SVEP1: variants seen among roughly 807,000 people sequenced by gnomAD.
SVEP1 encodes the protein sushi, von Willebrand factor type A, EGF and pentraxin domain-containing protein 1.
Under a neutral mutation model 367.3 loss-of-function variants are expected in SVEP1, and 164 were observed. The observed-to-expected ratio is 0.45, with a 90% CI of 0.39 to 0.51. The LOEUF (loss-of-function observed/expected upper bound fraction) is 0.51. SVEP1 is among the 20% of genes least tolerant of loss of function. The probability of loss-of-function intolerance (pLI) is 0.00; values close to 1 mark genes in which losing one functional copy is unlikely to be tolerated. For missense variants in SVEP1, 4,117 were observed against 4,425.3 expected (o/e 0.93, Z 1.98); for synonymous variants, 1,666 against 1,611.6 (o/e 1.03, Z -0.81).
intron 3 of SVEP1, among the ~76,000 whole-genome samples, chr9:110,535,584 C>T (rs1830068992): frequency 6.6e-6 from 1 of 152,052 alleles, no homozygotes; most frequent in Admixed American, 6.6e-5. Flanking sequence ...AGCATTGAAT[C>T]TGTAAATTGC....
intron 36 of SVEP1, among the ~76,000 whole-genome samples, chr9:110,424,943 G>T (rs1269489570): frequency 6.6e-6 from 1 of 152,142 alleles, no homozygotes; most frequent in Non-Finnish European, 1.5e-5. Context: ...CAAAGTGTTG[G>T]GATTACAGGC....
chr9:110,379,742 G>C (rs1480972738), intron 43 of SVEP1, among the ~76,000 whole-genome samples: 1 of 152,182 alleles, frequency 6.6e-6, no homozygotes, highest in African/African-American at 2.4e-5. Flanking sequence ...AATGTTGAAG[G>C]TGAGCCTGTT....
At chr9:110,541,977 T>C (rs1221380158) in intron 3 of SVEP1, among the ~76,000 whole-genome samples, 1 of 151,318 alleles carries the variant, frequency 6.6e-6, no homozygotes, top group Non-Finnish European at 1.5e-5. Context: ...TATATATGCA[T>C]GTAGATATGT....
At chr9:110,448,127 GAA>G (rs1490568818) in intron 24 of SVEP1, among the ~76,000 whole-genome samples, 1 of 131,640 alleles carries the variant, frequency 7.6e-6, no homozygotes, top group Admixed American at 8.3e-5. Context: ...GGAAGAAAGT[GAA>G]TGTGTGTGTG....
chr9:110,478,058 C>T (rs1258181242), intron 13 of SVEP1, among the ~76,000 whole-genome samples: 1 of 152,166 alleles, frequency 6.6e-6, no homozygotes, highest in African/African-American at 2.4e-5. Context: ...TCTTCTCTAC[C>T]TTTGCCACTC....
At position 110,476,209 on chromosome 9, in the gene SVEP1, G is replaced by A; in HGVS notation, c.2594C>T (p.Ala865Val). Residue 865 changes from alanine (A) to valine (V), a missense_variant, in exon 14 of 48, where the codon GCA (alanine) becomes GTA (valine). By Grantham distance (64) the Ala-to-Val change is moderately conservative (BLOSUM62 0). Around this residue, in one of 4 missense-constraint regions of SVEP1, gnomAD observed 2,174 missense variants for 2,494.3 expected, o/e 0.87. Coordinates refer to ENST00000374469, the MANE Select transcript of SVEP1 (RefSeq NM_153366.4). ...ATGCCACAGAATTTAATTACCAATT[G>A]CAAAGCCATTTTCATAGTCATAATT... ...EYNYDYENGF[A>V]IGPGGWGAAN... 6.2e-7 allele frequency: 1 copy of A among 1,604,542 alleles called. No individual in the cohort carries two copies. Among genetic ancestry groups the A allele is most frequent in the South Asian group, 1.1e-5 (1 of 90,504 alleles).
chr9:110,471,655 T>C, intron 15 of SVEP1, 58 bp from the exon 16 acceptor site: 1 of 1,310,464 alleles, frequency 7.6e-7, no homozygotes, highest in Non-Finnish European at 1.1e-6. Flanking sequence ...GAAAGTCATT[T>C]GTAGTTAATT....
chr9:110,458,534 C>T lies in SVEP1; in HGVS notation c.3513G>A (p.Glu1171=). 6.2e-7 allele frequency: 1 copy of T among 1,612,626 alleles called. No individual in the cohort carries two copies. Among genetic ancestry groups the T allele is most frequent in the East Asian group, 2.2e-5 (1 of 44,860 alleles). The change falls in exon 20 of 48, where the codon GAG becomes GAA. Residue 1171 remains glutamate (E), a synonymous_variant. Transcript: ENST00000374469. Reference sequence around the variant, plus strand: ...GAGAGGCAGGGGGCACCACACTTTCCTCTGCCGCTGAGAAAGTTGAACTAA... The same window carrying T: ...GAGAGGCAGGGGGCACCACACTTTCTTCTGCCGCTGAGAAAGTTGAACTAA... ...SSFSSTFSAA[E]ESVVPPASLG... is the part of the protein sequence containing the mutation.
intron 17 of SVEP1, 105 bp downstream of exon 17, chr9:110,468,835 T>C: frequency 8.6e-7 from 1 of 1,160,988 alleles, no homozygotes; most frequent in Non-Finnish European, 1.2e-6. Flanking sequence ...CACAGGGGCC[T>C]CAGACAAGAG....
At chr9:110,393,092 A>G (rs372475062) in intron 40 of SVEP1, among the ~76,000 whole-genome samples, 1 of 152,212 alleles carries the variant, frequency 6.6e-6, no homozygotes, top group Non-Finnish European at 1.5e-5. Flanking sequence ...CAGTTAACAT[A>G]TATTTCCACA....
intron 5 of SVEP1, among the ~76,000 whole-genome samples, chr9:110,512,441 G>C (rs1299861598): frequency 6.6e-6 from 1 of 151,856 alleles, no homozygotes; most frequent in Non-Finnish European, 1.5e-5. Flanking sequence ...CTTTCTATTG[G>C]CCTGAATAGG....
chr9:110,403,304 T>C (rs1429949019), intron 39 of SVEP1, among the ~76,000 whole-genome samples: 1 of 127,694 alleles, frequency 7.8e-6, no homozygotes, highest in African/African-American at 3.2e-5. Context: ...CCGTTTTTTT[T>C]TTTTTTTTTT....
At chr9:110,376,431 T>C (rs1242554940) in intron 45 of SVEP1, among the ~76,000 whole-genome samples, 2 of 152,250 alleles carry the variant, frequency 1.3e-5, no homozygotes, top group Non-Finnish European at 2.9e-5. Flanking sequence ...GTGATTTCTC[T>C]TCTTTTTTAA....
chr9:110,432,662 C>T (rs368017657), intron 30 of SVEP1, 27 bp from the exon 31 acceptor site: 17 of 1,579,228 alleles, frequency 1.1e-5, no homozygotes, highest in East Asian at 4.5e-5. Flanking sequence ...AAGAAGACAA[C>T]GACATTAAGA....
At chr9:110,481,567 T>G in intron 11 of SVEP1, 131 bp from the exon 12 acceptor site, 1 of 576,852 alleles carries the variant, frequency 1.7e-6, no homozygotes, top group African/African-American at 1.9e-5. Flanking sequence ...TTTTACCATA[T>G]GTCTTTAGTG....
chr9:110,458,983 G>T lies in SVEP1; in HGVS notation c.3453C>A (p.Phe1151Leu), dbSNP rs375907567. 5 of 1,613,684 alleles carry T rather than the reference G, an allele frequency of 3.1e-6. No individual in the cohort carries two copies. Among genetic ancestry groups the T allele is most frequent in the South Asian group, 1.1e-5 (1 of 91,040 alleles). The change falls in exon 19 of 48, where the codon TTC becomes TTA. Residue 1151 changes from phenylalanine (F) to leucine (L), a missense_variant. By Grantham distance (22) the Phe-to-Leu change is conservative. Transcript: ENST00000374469. ...ATTCTGTGATGGATCTGGAACCAGC[G>T]AATGGGGTAGTTCCATAAAAGGGAC... Reference protein sequence around the residue: ...LACPFYGTTPFAGSRSITECS... With the variant: ...LACPFYGTTPLAGSRSITECS...
chr9:110,490,273 T>C (rs889411386), intron 8 of SVEP1, among the ~76,000 whole-genome samples: 3 of 152,192 alleles, frequency 2.0e-5, no homozygotes, highest in Admixed American at 2.0e-4. Context: ...TTTATAAAGA[T>C]CAAATCAGTG....
rs750150784 is a variant in SVEP1 at position 110,404,517 on chromosome 9, T to A, written c.9476A>T (p.Asp3159Val). Residue 3159 changes from aspartate to valine, a missense_variant, in exon 39 of 48, where the codon GAT becomes GTT. This residue lies in a region of SVEP1 where 1,765 missense variants were observed against 1,781.1 expected (regional missense o/e 0.99). Transcript: ENST00000374469. ...LEGYTMDTDT[D>V]TFTCQKDGRW... ...ACCATCTTTCTGACAGGTGAATGTA[T>A]CTGTATCTGTATCCATCGTATAACC... 1.2e-6 allele frequency: 2 copies of A among 1,613,060 alleles called. No individual in the cohort carries two copies. Among genetic ancestry groups the A allele is most frequent in the South Asian group, 1.1e-5 (1 of 91,034 alleles).
intron 9 of SVEP1, among the ~76,000 whole-genome samples, chr9:110,487,965 T>G (rs1386165609): frequency 6.6e-6 from 1 of 152,130 alleles, no homozygotes; most frequent in Non-Finnish European, 1.5e-5. Context: ...TGTATTTTAT[T>G]TTGGTAATGA....
Sources: allele counts gnomAD v4.1 joint callset (sites outside exome capture counted in the v4.1 genomes callset), GRCh38; gene constraint gnomAD v4.1.1; regional missense constraint gnomAD v4.1.1; transcripts MANE v1.5; gene names NCBI Gene and HGNC (gene_info 2026-07-23, HGNC 2026-07-21).